ADGRB3: variants seen among roughly 807,000 people sequenced by gnomAD.
The protein encoded by ADGRB3 is adhesion G protein-coupled receptor B3, also known as brain-specific angiogenesis inhibitor 3.
Under a neutral mutation model 193.4 loss-of-function variants are expected in ADGRB3, and 37 were observed. The observed-to-expected ratio is 0.19, with a 90% CI of 0.15 to 0.25. The LOEUF is 0.25. ADGRB3 is among the 10% of genes least tolerant of loss of function. The pLI is 1.00. For synonymous variants in ADGRB3, 690 were observed against 644.2 expected (o/e 1.07, Z -1.08); for missense variants, 1,637 against 1,852.9 (o/e 0.88, Z 2.14).
At chr6:68,863,577 A>T (rs1346944671) in intron 3 of ADGRB3, among the ~76,000 whole-genome samples, 1 of 152,116 alleles carries the variant, frequency 6.6e-6, no homozygotes, top group Non-Finnish European at 1.5e-5. Context: ...CAGTTTGCAA[A>T]CTCACACATT....
intron 3 of ADGRB3, among the ~76,000 whole-genome samples, chr6:68,909,966 C>G (rs1353824962): frequency 6.6e-6 from 1 of 152,162 alleles, no homozygotes; most frequent in Non-Finnish European, 1.5e-5. Flanking sequence ...TTCTAGATCC[C>G]TGAGGAATCG....
intron 17 of ADGRB3, among the ~76,000 whole-genome samples, chr6:69,134,352 A>G (rs1358274817): frequency 2.0e-5 from 3 of 152,094 alleles, no homozygotes; most frequent in Non-Finnish European, 4.4e-5. Flanking sequence ...AACTTCCTGT[A>G]TCTTTTAGAG....
At chr6:69,109,162 G>T (rs1019067092) in intron 17 of ADGRB3, among the ~76,000 whole-genome samples, 6 of 148,550 alleles carry the variant, frequency 4.0e-5, no homozygotes, top group African/African-American at 1.2e-4. Flanking sequence ...ATTTCTCTTA[G>T]TATAAGCAAA....
At chr6:69,137,833 T>G (rs567153370) in intron 17 of ADGRB3, among the ~76,000 whole-genome samples, 1 of 152,264 alleles carries the variant, frequency 6.6e-6, no homozygotes, top group East Asian at 1.9e-4. Flanking sequence ...CTTAAAGGTG[T>G]ACGATGCCTA....
chr6:68,998,226 AC>A (rs1371909718), intron 11 of ADGRB3, among the ~76,000 whole-genome samples: 1 of 152,228 alleles, frequency 6.6e-6, no homozygotes, highest in Non-Finnish European at 1.5e-5. Context: ...CATTAAAATC[AC>A]ATGAGCCACT....
At chr6:69,235,389 C>T (rs1430941159) in intron 19 of ADGRB3, among the ~76,000 whole-genome samples, 1 of 152,010 alleles carries the variant, frequency 6.6e-6, no homozygotes, top group East Asian at 1.9e-4. Context: ...TGTTAGTAGC[C>T]TTCAACAAGT....
chr6:69,162,648 G>C (rs949252011), intron 17 of ADGRB3, among the ~76,000 whole-genome samples: 3 of 152,036 alleles, frequency 2.0e-5, no homozygotes, highest in African/African-American at 7.2e-5. Flanking sequence ...ACTTAAAGGT[G>C]CCAAGAGAAT....
At position 69,062,846 on chromosome 6, in the gene ADGRB3, T is replaced by A. The variant is rs1370460687; in HGVS notation, c.2334-88T>A. 14 of 933,428 alleles carry A rather than the reference T, an allele frequency of 1.5e-5. No individual in the cohort carries two copies. In the East Asian group the frequency reaches 3.8e-4, roughly 25 times the overall value. The allele number at this position is 933,428 out of a possible 1,614,324, so 57.8% of individuals were successfully genotyped here. ...ATGTTTTTGCTTTGGATGCATTTAT[T>A]TGAAACCATCCCAAAATGTATTGAG... On this transcript the variant is annotated intron_variant, in intron 15 of 31. Transcript: ENST00000370598.
At chr6:69,052,842 T>C (rs1180542889) in intron 15 of ADGRB3, among the ~76,000 whole-genome samples, 1 of 152,218 alleles carries the variant, frequency 6.6e-6, no homozygotes, top group Admixed American at 6.5e-5. Flanking sequence ...TAAATATGTG[T>C]TATTCTCAGC....
chr6:68,764,414 C>G (rs916562492), intron 3 of ADGRB3, among the ~76,000 whole-genome samples: 4 of 152,128 alleles, frequency 2.6e-5, no homozygotes, highest in African/African-American at 9.7e-5. Context: ...GAACTTAGAA[C>G]TGAAGCATCA....
chr6:69,265,016 C>T (rs1767009821), intron 20 of ADGRB3, among the ~76,000 whole-genome samples: 1 of 151,932 alleles, frequency 6.6e-6, no homozygotes, highest in African/African-American at 2.4e-5. Context: ...AAGACACACA[C>T]ATACGTGCAA....
intron 13 of ADGRB3, among the ~76,000 whole-genome samples, chr6:69,034,304 A>G (rs960171815): frequency 2.0e-5 from 3 of 151,698 alleles, no homozygotes; most frequent in Admixed American, 2.0e-4. Flanking sequence ...CCAAATACTT[A>G]CCTTATTGCC....
At chr6:68,739,091 A>G (rs1765928211) in intron 3 of ADGRB3, among the ~76,000 whole-genome samples, 1 of 152,200 alleles carries the variant, frequency 6.6e-6, no homozygotes, top group East Asian at 1.9e-4. Context: ...ATGAGGACCA[A>G]TCATTGACTA....
intron 3 of ADGRB3, among the ~76,000 whole-genome samples, chr6:68,883,747 C>T (rs947279605): frequency 3.3e-5 from 5 of 152,158 alleles, no homozygotes; most frequent in African/African-American, 9.7e-5. Flanking sequence ...AAGGAACAAA[C>T]GCCGGACACG....
At chr6:68,777,364 A>C (rs570272558) in intron 3 of ADGRB3, among the ~76,000 whole-genome samples, 6 of 152,218 alleles carry the variant, frequency 3.9e-5, no homozygotes, top group Admixed American at 3.3e-4. Flanking sequence ...CCTGACCCAA[A>C]ATTCTGCTAG....
intron 3 of ADGRB3, among the ~76,000 whole-genome samples, chr6:68,719,049 AT>A (rs1420467680): frequency 6.6e-6 from 1 of 151,844 alleles, no homozygotes; most frequent in Non-Finnish European, 1.5e-5. Context: ...CTAGCACTTA[AT>A]AGAATGTTTT....
At chr6:69,229,576 G>A (rs1766090574) in intron 17 of ADGRB3, among the ~76,000 whole-genome samples, 1 of 152,108 alleles carries the variant, frequency 6.6e-6, no homozygotes, top group African/African-American at 2.4e-5. Context: ...ATTATGAAGA[G>A]AATAAACAGT....
intron 13 of ADGRB3, among the ~76,000 whole-genome samples, chr6:69,028,777 C>A (rs944314484): frequency 3.9e-5 from 6 of 152,108 alleles, no homozygotes; most frequent in Non-Finnish European, 7.4e-5. Context: ...CAATTTCTAG[C>A]CTTAAACTTC....
At chr6:69,123,290 TAG>T (rs1773769302) in intron 17 of ADGRB3, among the ~76,000 whole-genome samples, 2 of 152,152 alleles carry the variant, frequency 1.3e-5, no homozygotes, top group African/African-American at 4.8e-5. Context: ...AACAGTAAAA[TAG>T]AGTTTTCTTC....
Sources: gnomAD v4.1 joint callset for allele counts (sites outside exome capture counted in the v4.1 genomes callset) on GRCh38, gnomAD v4.1.1 for gene constraint, MANE v1.5 for transcripts, NCBI Gene and HGNC (gene_info 2026-07-23, HGNC 2026-07-21) for gene names.